Variants in SFPQ observed in about 807,000 individuals in gnomAD.
The protein encoded by SFPQ is splicing factor proline and glutamine rich.
In SFPQ, 11 loss-of-function variants were observed where a neutral mutation model predicts 72.9. The observed-to-expected ratio is 0.15, with a 90% CI of 0.09 to 0.25. SFPQ has a LOEUF of 0.25. Ranked by LOEUF, SFPQ falls within the 10% of genes least tolerant of loss-of-function variation. SFPQ has a pLI of 1.00. For missense variants in SFPQ, 847 were observed against 993.3 expected (o/e 0.85, Z 1.98); for synonymous variants, 506 against 367.3 (o/e 1.38, Z -4.32).
downstream of SFPQ, chr1:35,181,986 A>G (rs755580984): frequency 1.2e-4 from 120 of 985,304 alleles, no homozygotes; most frequent in Non-Finnish European, 1.4e-4. Context: ...AAGGGTATCA[A>G]AAGCCACAAC....
intron 1 of SFPQ, 69 bp from the exon 2 acceptor site, chr1:35,191,598 T>C (rs1640000251): frequency 1.6e-6 from 2 of 1,256,744 alleles, no homozygotes; most frequent in East Asian, 4.7e-5. Context: ...AAGATAGTAT[T>C]TGCTTATCTG....
chr1:35,176,868 C>T (rs1443275693), intron 5 of SFPQ, among the ~76,000 whole-genome samples: 5 of 135,080 alleles, frequency 3.7e-5, no homozygotes, highest in Admixed American at 7.6e-5. Flanking sequence ...AGCAAGACTC[C>T]GTCTCAAAAA....
chr1:35,177,255 A>G (rs1487628681), intron 5 of SFPQ: 1 of 152,158 alleles, frequency 6.6e-6, no homozygotes, highest in Non-Finnish European at 1.5e-5. Flanking sequence ...TAGTATTGTT[A>G]TTTTTGTACC....
Position 35,190,591 on chromosome 1 carries a change from G to A in SFPQ, c.1322C>T (p.Thr441Ile). ...CSEGVFLLTT[T>I]PRPVIVEPLE... ...TGGTTCCACAATGACTGGACGAGGA[G>A]TTCTAATAACAAAAATGGTTCCATC... is the stretch of plus-strand genomic sequence containing the variant. Residue 441 changes from threonine (T) to isoleucine (I), a missense_variant and splice_region_variant, in exon 4 of 10, where the codon ACT (threonine) becomes ATT (isoleucine). Around this residue, in one of 6 missense-constraint regions of SFPQ, gnomAD observed 132 missense variants for 255.4 expected, o/e 0.52. Coordinates refer to ENST00000357214, the MANE Select transcript of SFPQ (RefSeq NM_005066.3). 1 of 1,612,282 alleles carries A rather than the reference G, an allele frequency of 6.2e-7. No individual in the cohort carries two copies. The highest frequency in any genetic ancestry group is 1.7e-5 in the Admixed American group (1 of 59,828).
At chr1:35,190,098 T>C (rs1639922836) in intron 4 of SFPQ, among the ~76,000 whole-genome samples, 1 of 151,464 alleles carries the variant, frequency 6.6e-6, no homozygotes, top group Admixed American at 6.6e-5. Flanking sequence ...CCATCTCTAC[T>C]AAAAATAGAA....
Position 35,192,768 on chromosome 1 carries a change from A to T in SFPQ, c.282T>A (p.His94Gln). The T allele has an allele frequency of 6.7e-7, 1 of 1,500,414 alleles. No individual in the cohort carries two copies. Among genetic ancestry groups the T allele is most frequent in the South Asian group, 1.2e-5 (1 of 80,444 alleles). The allele number at this position is 1,500,414 out of a possible 1,614,324, so 92.9% of individuals were successfully genotyped here. Residue 94 changes from histidine to glutamine, a missense_variant, in exon 1 of 10, where the codon CAT (histidine) becomes CAA (glutamine). By Grantham distance (24) the His-to-Gln change is conservative (BLOSUM62 0). Transcript: ENST00000357214. Reference sequence around the variant, plus strand: ...GCGGTGGCGGCGGCTGCTGCTGCTGATGCGGCTGTGGATGCGGCGGCGGCT... The same window carrying T: ...GCGGTGGCGGCGGCTGCTGCTGCTGTTGCGGCTGTGGATGCGGCGGCGGCT... ...PHQPPPHPQP[H>Q]QQQQPPPPPQ...
At chr1:35,180,821 C>T (rs1030536683), downstream of SFPQ, 2 of 985,238 alleles carry the variant, frequency 2.0e-6, no homozygotes, top group African/African-American at 1.7e-5. Flanking sequence ...AGTTTAGTTC[C>T]CTCTCCCCCA....
Position 35,191,497 on chromosome 1 carries a change from C to A in SFPQ, c.861G>T (p.Arg287Ser). The A allele has an allele frequency of 6.2e-7, 1 of 1,614,062 alleles. No homozygotes were observed. Residue 287 changes from arginine (R) to serine (S), a missense_variant, in exon 2 of 10, where the codon AGG (arginine) becomes AGT (serine). Arg to Ser is a moderately radical substitution (Grantham distance 110). This residue lies in a region of SFPQ where 35 missense variants were observed against 52.9 expected (regional missense o/e 0.66). Transcript: ENST00000357214. ...GCTGTGTGTAAGTTTTCTCTCCAGGCCTCCTCAAGAGAGACAAATTGGCTT... is the reference window on the plus strand; with the variant it reads ...GCTGTGTGTAAGTTTTCTCTCCAGGACTCCTCAAGAGAGACAAATTGGCTT... ...GFKANLSLLRRPGEKTYTQRC... is the reference protein window; with the variant it reads ...GFKANLSLLRSPGEKTYTQRC...
In SFPQ at chr1:35,192,825, C is replaced by CTGCGGTGGTGGCTGT. The variant is rs747870499; in HGVS notation, c.210_224dup (p.Gln80_Pro84dup). On this transcript the variant is annotated inframe_insertion, in exon 1 of 10. Coordinates refer to ENST00000357214, the MANE Select transcript of SFPQ (RefSeq NM_005066.3). The stretch of plus-strand genomic sequence containing the variant: ...GTGGCGGCTGCTGCGGCGGTGGCTG[C>CTGCGGTGGTGGCTGT]TGCGGTGGTGGCTGTTGCTGCTGTT... 9 of 1,512,966 alleles carry CTGCGGTGGTGGCTGT rather than the reference C, an allele frequency of 5.9e-6. No homozygotes were observed. The East Asian group carries it at 7.8e-5, about 13-fold the overall frequency. The allele number at this position is 1,512,966 out of a possible 1,614,324, so 93.7% of individuals were successfully genotyped here.
At position 35,187,033 on chromosome 1, in the gene SFPQ, T is replaced by C. The variant is rs139281922; in HGVS notation, c.1954A>G (p.Thr652Ala). 77 of 1,614,002 alleles carry C rather than the reference T, an allele frequency of 4.8e-5. No individual in the cohort carries two copies. In the African/African-American group the frequency reaches 9.2e-4, roughly 19 times the overall value. Residue 652 changes from threonine (T) to alanine (A), a missense_variant, in exon 9 of 10, where the codon ACC becomes GCC. Around this residue, in one of 6 missense-constraint regions of SFPQ, gnomAD observed 154 missense variants for 186.0 expected, o/e 0.83. Coordinates refer to ENST00000357214, the MANE Select transcript of SFPQ (RefSeq NM_005066.3). Reference sequence around the variant, plus strand: ...CTTCCCATCATGGAACCACTCATGGTTGCTGGTGGAACGCCAGGATTAGCT... The same window carrying C: ...CTTCCCATCATGGAACCACTCATGGCTGCTGGTGGAACGCCAGGATTAGCT... The part of the protein sequence containing the change: ...YEANPGVPPA[T>A]MSGSMMGSDM...
At chr1:35,191,303 CT>C (rs1183944519) in intron 2 of SFPQ, 37 bp downstream of exon 2, 3 of 1,569,908 alleles carry the variant, frequency 1.9e-6, no homozygotes, top group Non-Finnish European at 2.6e-6. Flanking sequence ...ATCCCCCACC[CT>C]TTTTAATTCT....
At position 35,184,065 on chromosome 1, in the gene SFPQ, G is replaced by A; in HGVS notation, c.*391C>T. On this transcript the variant is annotated 3_prime_UTR_variant, in exon 10 of 10. Transcript: ENST00000357214. ...CTAGACACTCTCATGCTTTCAATGT[G>A]GAATACGTAGCCTAATATGCATAGA... is the stretch of plus-strand genomic sequence containing the variant. 9.3e-7 allele frequency: 1 copy of A among 1,080,220 alleles called. No individual in the cohort carries two copies. The highest frequency in any genetic ancestry group is 5.4e-5 in the Admixed American group (1 of 18,554). 66.9% of individuals were successfully genotyped at this position (1,080,220 alleles called of 1,614,324 possible).
At chr1:35,190,260 G>T (rs1420348480) in intron 4 of SFPQ, among the ~76,000 whole-genome samples, 1 of 152,216 alleles carries the variant, frequency 6.6e-6, no homozygotes, top group Non-Finnish European at 1.5e-5. Flanking sequence ...AGTCACACAC[G>T]TGACTTTATG....
At chr1:35,187,341 A>T (rs1440098301) in intron 7 of SFPQ, 90 bp from the exon 8 acceptor site, 2 of 1,183,724 alleles carry the variant, frequency 1.7e-6, no homozygotes, top group Non-Finnish European at 2.5e-6. Flanking sequence ...GTTAAATAAA[A>T]AACATGGTAA....
Position 35,192,358 on chromosome 1 carries a change from G to A in SFPQ, c.692C>T (p.Pro231Leu), listed in dbSNP as rs1640061192. 1.4e-6 allele frequency: 2 copies of A among 1,389,990 alleles called. No individual in the cohort carries two copies. Among genetic ancestry groups the A allele is most frequent in the Non-Finnish European group, 1.8e-6 (2 of 1,084,940 alleles). 86.1% of individuals were successfully genotyped at this position (1,389,990 alleles called of 1,614,324 possible). A position where few individuals can be genotyped will look rare whatever the true frequency, so the allele number is the denominator to read the frequency against. The stretch of plus-strand genomic sequence containing the variant: ...CCCGCCGCCTCGATGCGGCGGCTTG[G>A]GGTGGCCGCCAGGCGTACTTAGGCC... Reference protein sequence around the residue: ...GPGLSTPGGHPKPPHRGGGEP... With the variant: ...GPGLSTPGGHLKPPHRGGGEP... Residue 231 changes from proline to leucine, a missense_variant, in exon 1 of 10, where the codon CCC becomes CTC. Transcript: ENST00000357214.
Position 35,183,792 on chromosome 1 carries a change from C to T in SFPQ, c.*664G>A, listed in dbSNP as rs1639581859. 1 of 1,054,808 alleles carries T rather than the reference C, an allele frequency of 9.5e-7. No individual in the cohort carries two copies. The highest frequency in any genetic ancestry group is 1.1e-6 in the Non-Finnish European group (1 of 872,376). The allele number at this position is 1,054,808 out of a possible 1,614,324, so 65.3% of individuals were successfully genotyped here. A position where few individuals can be genotyped will look rare whatever the true frequency, so the allele number is the denominator to read the frequency against. Reference sequence around the variant, plus strand: ...TCCATTTAATCAAACCCACTTTCACCCCCTACCAATTGTCTTACACCCATT... The same window carrying T: ...TCCATTTAATCAAACCCACTTTCACTCCCTACCAATTGTCTTACACCCATT... On this transcript the variant is annotated 3_prime_UTR_variant, in exon 10 of 10. Transcript: ENST00000357214.
Position 35,183,354 on chromosome 1 carries a change from A to G in SFPQ, c.*1102T>C. On this transcript the variant is annotated 3_prime_UTR_variant, in exon 10 of 10. Transcript: ENST00000357214. The stretch of plus-strand genomic sequence containing the variant: ...TGGCTCAGCCTCCCGAGTAGCTGGG[A>G]TTACAGGCGCCTGCCACCACGCCCA... The G allele has an allele frequency of 3.5e-6, 1 of 288,308 alleles. No homozygotes were observed. Among genetic ancestry groups the G allele is most frequent in the Non-Finnish European group, 5.3e-6 (1 of 187,074 alleles). The allele number at this position is 288,308 out of a possible 1,614,324, so 17.9% of individuals were successfully genotyped here.
At chr1:35,176,828 T>G (rs1639261394) in intron 5 of SFPQ, among the ~76,000 whole-genome samples, 1 of 144,546 alleles carries the variant, frequency 6.9e-6, no homozygotes, top group Non-Finnish European at 1.5e-5. Context: ...GAGCCAAGAC[T>G]GTGCACCACT....
rs1422673772 is a variant in SFPQ at position 35,192,228 on chromosome 1, G to C, written c.822C>G (p.Asp274Glu). ...PGGRSEEKIS[D>E]SEGFKANLSL... ...CGCTCCCATAGACACTCACCTCCGA[G>C]TCCGAGATCTTCTCCTCGCTGCGGC... The change falls in exon 1 of 10, where the codon GAC (aspartate) becomes GAG (glutamate). Residue 274 changes from aspartate (D) to glutamate (E), a missense_variant. This residue lies in a region of SFPQ where 498 missense variants were observed against 405.1 expected (regional missense o/e 1.23). Transcript: ENST00000357214. 6.9e-7 allele frequency: 1 copy of C among 1,459,570 alleles called. No individual in the cohort carries two copies. Among genetic ancestry groups the C allele is most frequent in the Non-Finnish European group, 9.0e-7 (1 of 1,113,510 alleles). 90.4% of individuals were successfully genotyped at this position (1,459,570 alleles called of 1,614,324 possible).
Sources: allele counts gnomAD v4.1 joint callset (sites outside exome capture counted in the v4.1 genomes callset), GRCh38; gene constraint gnomAD v4.1.1; regional missense constraint gnomAD v4.1.1; transcripts MANE v1.5; gene names NCBI Gene and HGNC (gene_info 2026-07-23, HGNC 2026-07-21).